DNAH1: variants seen among roughly 807,000 people sequenced by gnomAD.
DNAH1 encodes dynein axonemal heavy chain 1.
DNAH1 carries 327 observed loss-of-function variants against 484.3 expected under a neutral mutation model. The ratio of observed to expected loss-of-function variants is 0.68; its 90% CI spans 0.62 to 0.74. The LOEUF is 0.74. Among genes scored for constraint, DNAH1 ranks in the 30% least tolerant of loss-of-function variants. The pLI, the probability that DNAH1 is intolerant of heterozygous loss-of-function variation, is 0.00. For missense variants in DNAH1, 5,052 were observed against 5,546.8 expected (o/e 0.91, Z 2.83); for synonymous variants, 2,192 against 2,191.9 (o/e 1.00, Z 0.00).
chr3:52,390,108 G>A (rs1167321706), intron 60 of DNAH1, among the ~76,000 whole-genome samples: 4 of 152,094 alleles, frequency 2.6e-5, no homozygotes, highest in African/African-American at 7.2e-5. Flanking sequence ...GTGACAGAGC[G>A]AGACTCCGTC....
At position 52,357,894 on chromosome 3, in the gene DNAH1, G is replaced by A. The variant is rs773775394; in HGVS notation, c.3981-4G>A. 10 of 1,611,848 alleles carry A rather than the reference G, an allele frequency of 6.2e-6. No individual in the cohort carries two copies. The East Asian group carries it at 2.0e-4, about 32-fold the overall frequency. ...CCGCTTCCTCACCCCTGTTCCCCTG[G>A]CAGATTCTACTTCCTGTCAGATGAT... On this transcript the variant is annotated splice_polypyrimidine_tract_variant and splice_region_variant and intron_variant, in intron 23 of 77. Transcript: ENST00000420323.
chr3:52,372,747 G>C (rs188972103), intron 43 of DNAH1, 149 bp from the exon 44 acceptor site: 4 of 1,061,038 alleles, frequency 3.8e-6, no homozygotes, highest in Non-Finnish European at 5.3e-6. Context: ...TCAGAACAAG[G>C]ATGAGGGTGG....
At position 52,360,031 on chromosome 3, in the gene DNAH1, A is replaced by T. The variant is rs1702790588; in HGVS notation, c.4523A>T (p.Gln1508Leu). ...AAGGACGTGGTGAGCAAGCTAATCC[A>T]GGAGAACGTGGTCAGCGTGAATGAC... ...HAKDVVSKLIQENVVSVNDFQ... is the reference protein window; with the variant it reads ...HAKDVVSKLILENVVSVNDFQ... The change falls in exon 27 of 78, where the codon CAG (glutamine) becomes CTG (leucine). Residue 1508 changes from glutamine to leucine, a missense_variant. This residue lies in a region of DNAH1 where 2,929 missense variants were observed against 3,409.4 expected (regional missense o/e 0.86). Coordinates refer to ENST00000420323, the MANE Select transcript of DNAH1 (RefSeq NM_015512.5). 9 of 1,613,942 alleles carry T rather than the reference A, an allele frequency of 5.6e-6. No homozygotes were observed. In the East Asian group the frequency reaches 1.8e-4, roughly 32 times the overall value.
At chr3:52,394,408 C>T in intron 66 of DNAH1, 57 bp from the exon 67 acceptor site, 1 of 1,575,324 alleles carries the variant, frequency 6.3e-7, no homozygotes. Context: ...TGGGGGTGCC[C>T]AGAGCAGGAG....
At chr3:52,328,938 C>CT (rs1393744923) in intron 6 of DNAH1, among the ~76,000 whole-genome samples, 1 of 152,186 alleles carries the variant, frequency 6.6e-6, no homozygotes, top group Non-Finnish European at 1.5e-5. Context: ...GTTGTGATAG[C>CT]CATGACTGGT....
In DNAH1 at chr3:52,366,895, A is replaced by AC. The variant is rs769129249; in HGVS notation, c.5765+14dup. 63 of 1,604,022 alleles carry AC rather than the reference A, an allele frequency of 3.9e-5. No individual in the cohort carries two copies. Among genetic ancestry groups the AC allele is most frequent in the Admixed American group, 6.7e-5 (4 of 59,668 alleles). ...CCTCCTCACCCATGAGTGGTGAGTGACCCCCCAGCCTCACCGGTGACCCCC... is the reference window on the plus strand; with the variant it reads ...CCTCCTCACCCATGAGTGGTGAGTGACCCCCCCAGCCTCACCGGTGACCCCC... On this transcript the variant is annotated intron_variant, in intron 36 of 77. Transcript: ENST00000420323.
In DNAH1 at chr3:52,322,653, C is replaced by G. The variant is rs1347191865; in HGVS notation, c.211C>G (p.Leu71Val). 7 of 1,613,858 alleles carry G rather than the reference C, an allele frequency of 4.3e-6. No individual in the cohort carries two copies. The highest frequency in any genetic ancestry group is 1.7e-5 in the Admixed American group (1 of 60,000). The change falls in exon 2 of 78, where the codon CTC (leucine) becomes GTC (valine). Residue 71 changes from leucine to valine, a missense_variant. Around this residue, in one of 4 missense-constraint regions of DNAH1, gnomAD observed 1,263 missense variants for 1,218.8 expected, o/e 1.04. Coordinates refer to ENST00000420323, the MANE Select transcript of DNAH1 (RefSeq NM_015512.5). ...ACCCCTGCCCCCGGCCCCACCCACACTCTCAGACTTGGGGCAGCCACGGAA... is the reference window on the plus strand; with the variant it reads ...ACCCCTGCCCCCGGCCCCACCCACAGTCTCAGACTTGGGGCAGCCACGGAA... ...HLPLPPAPPTLSDLGQPRKSP... is the reference protein window; with the variant it reads ...HLPLPPAPPTVSDLGQPRKSP...
rs748038897 is a variant in DNAH1, at chr3:52,353,375, G to A, written c.3227-5G>A. ...CCTCTCATGCGTTTCTGTCTTACCC[G>A]GCAGCCTGCCAGGAAGTGGCCTTGG... On this transcript the variant is annotated splice_region_variant and splice_polypyrimidine_tract_variant and intron_variant, in intron 19 of 77. Coordinates refer to ENST00000420323, the MANE Select transcript of DNAH1 (RefSeq NM_015512.5). This position sits in a 1 kb window ranked among gnomAD's most constrained non-coding sequence, Gnocchi z 5.0. The A allele has an allele frequency of 3.9e-5, 63 of 1,608,994 alleles. No individual in the cohort carries two copies. In the East Asian group the frequency reaches 1.0e-3, roughly 26 times the overall value.
rs1402657419 is a variant in DNAH1 at position 52,388,883 on chromosome 3, C to G, written c.9441C>G (p.Ile3147Met). 1.2e-6 allele frequency: 2 copies of G among 1,613,478 alleles called. No homozygotes were observed. Among genetic ancestry groups the G allele is most frequent in the Admixed American group, 3.3e-5 (2 of 60,008 alleles). ...ACCTGCAGTACATGCTCAACAACAT[C>G]TCCGGCGATGTCCTGGTGGCCGCTG... Reference protein sequence around the residue: ...VENLQYMLNNISGDVLVAAGF... With the variant: ...VENLQYMLNNMSGDVLVAAGF... Residue 3147 changes from isoleucine to methionine, a missense_variant, in exon 59 of 78, where the codon ATC becomes ATG. Physicochemically the swap from Ile to Met is conservative, Grantham distance 10. This residue lies in a region of DNAH1 where 2,929 missense variants were observed against 3,409.4 expected (regional missense o/e 0.86). Coordinates refer to ENST00000420323, the MANE Select transcript of DNAH1 (RefSeq NM_015512.5).
Position 52,399,550 on chromosome 3 carries a change from G to A in DNAH1, c.12447G>A (p.Met4149Ile). ...GTGTCTGTGTCTACCCACAGGTGAT[G>A]TTTGAGGCACCATCAGAGTTAACAC... is the stretch of plus-strand genomic sequence containing the variant. Reference protein sequence around the residue: ...IDTISFDFKVMFEAPSELTQR... With the variant: ...IDTISFDFKVIFEAPSELTQR... The change falls in exon 77 of 78, where the codon ATG becomes ATA. Residue 4149 changes from methionine to isoleucine, a missense_variant. Physicochemically the swap from Met to Ile is conservative, Grantham distance 10. Coordinates refer to ENST00000420323, the MANE Select transcript of DNAH1 (RefSeq NM_015512.5). 1.2e-6 allele frequency: 2 copies of A among 1,608,626 alleles called. No homozygotes were observed. Among genetic ancestry groups the A allele is most frequent in the Non-Finnish European group, 1.7e-6 (2 of 1,175,966 alleles).
At chr3:52,365,464 G>A (rs1032099056) in intron 34 of DNAH1, among the ~76,000 whole-genome samples, 37 of 152,222 alleles carry the variant, frequency 2.4e-4, no homozygotes, top group African/African-American at 6.3e-4. Context: ...GACACCCCTG[G>A]CGTCACTGCG....
At position 52,347,891 on chromosome 3, in the gene DNAH1, C is replaced by G; in HGVS notation, c.2023C>G (p.Pro675Ala). Residue 675 changes from proline to alanine, a missense_variant, in exon 12 of 78, where the codon CCA (proline) becomes GCA (alanine). Physicochemically the swap from Pro to Ala is conservative, Grantham distance 27. Coordinates refer to ENST00000420323, the MANE Select transcript of DNAH1 (RefSeq NM_015512.5). Reference protein sequence around the residue: ...LDSSGVHYSTPLEQFEASLLN... With the variant: ...LDSSGVHYSTALEQFEASLLN... ...CAGCTCTGGGGTGCACTATAGCACC[C>G]CACTGGAGCAGTTTGAGGCATCTCT... The G allele has an allele frequency of 1.2e-6, 2 of 1,608,090 alleles. No homozygotes were observed. The highest frequency in any genetic ancestry group is 1.7e-6 in the Non-Finnish European group (2 of 1,177,280).
At chr3:52,345,458 A>G in intron 9 of DNAH1, 37 bp from the exon 10 acceptor site, 2 of 1,538,456 alleles carry the variant, frequency 1.3e-6, no homozygotes, top group Middle Eastern at 1.8e-4. Flanking sequence ...TTGGCCAGGC[A>G]GGGTCTGATA....
Position 52,388,265 on chromosome 3 carries a change from C to T in DNAH1, c.9102C>T (p.Thr3034=). ...TTGCCAAGGTGTCCAAGGCTTGCAC[C>T]TCCATCTGCCAGTGGGTGCGCGCCA... ...ATIAKVSKAC[T]SICQWVRAMH... The change falls in exon 57 of 78, where the codon ACC becomes ACT. Residue 3034 remains threonine, a synonymous_variant. Transcript: ENST00000420323. 3 of 1,603,038 alleles carry T rather than the reference C, an allele frequency of 1.9e-6. No individual in the cohort carries two copies. Among genetic ancestry groups the T allele is most frequent in the East Asian group, 2.3e-5 (1 of 44,404 alleles).
At chr3:52,311,393 A>G (rs1158714063), upstream of DNAH1, among the ~76,000 whole-genome samples, 4 of 152,236 alleles carry the variant, frequency 2.6e-5, no homozygotes, top group East Asian at 3.9e-4. Context: ...TCCCAGGGCA[A>G]TGGCGCACCC....
chr3:52,332,203 T>C lies in DNAH1; in HGVS notation c.1095T>C (p.Ala365=), dbSNP rs201034628. Residue 365 remains alanine, a synonymous_variant, in exon 8 of 78, where the codon GCT becomes GCC. Coordinates refer to ENST00000420323, the MANE Select transcript of DNAH1 (RefSeq NM_015512.5). ...CACGGATCCAGCTTCTCTTCTGCGC[T>C]GAGGACCCTTGCATGTTCGCACAAC... ...WVPRIQLLFC[A]EDPCMFAQRV... is the part of the protein sequence containing the mutation. 31 of 1,608,862 alleles carry C rather than the reference T, an allele frequency of 1.9e-5. No individual in the cohort carries two copies. The highest frequency in any genetic ancestry group is 1.2e-4 in the African/African-American group (9 of 74,978).
chr3:52,325,591 A>G (rs1361402066), intron 3 of DNAH1, among the ~76,000 whole-genome samples: 1 of 152,184 alleles, frequency 6.6e-6, no homozygotes, highest in Non-Finnish European at 1.5e-5. Flanking sequence ...CAGGTATGGA[A>G]TGGAAGCCTC....
intron 8 of DNAH1, among the ~76,000 whole-genome samples, chr3:52,341,559 C>T (rs1299864617): frequency 8.5e-6 from 1 of 118,328 alleles, no homozygotes; most frequent in Non-Finnish European, 1.7e-5. Flanking sequence ...TTTTTTGAGA[C>T]AGGGTCTTGC....
chr3:52,398,034 A>T lies in DNAH1; in HGVS notation c.11961A>T (p.Ile3987=). The change falls in exon 75 of 78, where the codon ATA becomes ATT. Residue 3987 remains isoleucine (I), a splice_region_variant and synonymous_variant. Coordinates refer to ENST00000420323, the MANE Select transcript of DNAH1 (RefSeq NM_015512.5). ...SSAGSQGREE[I]VEDVTQNILL... ...ACAGTATTCCTTTGCCCCTGCAGAT[A>T]GTGGAGGACGTCACCCAAAACATTC... The T allele has an allele frequency of 1.2e-6, 2 of 1,613,356 alleles. No individual in the cohort carries two copies. The highest frequency in any genetic ancestry group is 1.7e-6 in the Non-Finnish European group (2 of 1,179,566).
Sources: gnomAD v4.1 joint callset for allele counts (sites outside exome capture counted in the v4.1 genomes callset) on GRCh38, gnomAD v4.1.1 for gene constraint, gnomAD v4.1.1 regional missense constraint, Gnocchi (gnomAD v3.1) non-coding constraint, MANE v1.5 for transcripts, NCBI Gene and HGNC (gene_info 2026-07-23, HGNC 2026-07-21) for gene names.